NSUN2: variants seen among roughly 807,000 people sequenced by gnomAD.
The protein encoded by NSUN2 is RNA cytosine C(5)-methyltransferase NSUN2.
A neutral mutation model predicts 92.7 loss-of-function variants in NSUN2; 63 were observed. The observed-to-expected ratio is 0.68, with a 90% CI of 0.56 to 0.84. The LOEUF is 0.84. NSUN2 is among the 40% of genes least tolerant of loss of function. The pLI, the probability that NSUN2 is intolerant of heterozygous loss-of-function variation, is 0.00. For synonymous variants in NSUN2, 356 were observed against 348.3 expected, an observed-to-expected ratio of 1.02 and a Z score of -0.25; for missense variants, 989 against 964.9, an observed-to-expected ratio of 1.02 and a Z score of -0.33.
At position 6,621,875 on chromosome 5, in the gene NSUN2, T is replaced by C. The variant is rs1026598452; in HGVS notation, c.622+141A>G. 30 of 653,440 alleles carry C rather than the reference T, an allele frequency of 4.6e-5. No individual in the cohort carries two copies. In the African/African-American group the frequency reaches 5.2e-4, roughly 11 times the overall value. 40.5% of individuals were successfully genotyped at this position (653,440 alleles called of 1,614,324 possible). On this transcript the variant is annotated intron_variant, in intron 6 of 18. Coordinates refer to ENST00000264670, the MANE Select transcript of NSUN2 (RefSeq NM_017755.6). ...CGGTGGTAGGCAAGATGTCCAGTTC[T>C]ACTTCCGGTAGACGGAAAACCCAAC... is the stretch of plus-strand genomic sequence containing the variant.
intron 12 of NSUN2, among the ~76,000 whole-genome samples, chr5:6,608,502 G>A (rs1446090949): frequency 6.6e-6 from 1 of 152,232 alleles, no homozygotes; most frequent in Non-Finnish European, 1.5e-5. Flanking sequence ...CACTAGATCT[G>A]TTGAACTAAG....
At chr5:6,609,387 G>C (rs1248156624) in intron 12 of NSUN2, among the ~76,000 whole-genome samples, 1 of 152,146 alleles carries the variant, frequency 6.6e-6, no homozygotes. Context: ...TTCTAGCCAG[G>C]TCTGGACAAG....
At chr5:6,602,416 AT>A in intron 18 of NSUN2, 44 bp downstream of exon 18, 1 of 1,588,306 alleles carries the variant, frequency 6.3e-7, no homozygotes. Context: ...ACTGTAGCTA[AT>A]GACAAGGCGT....
intron 10 of NSUN2, 36 bp downstream of exon 10, chr5:6,611,689 T>TA (rs1355111879): frequency 6.3e-7 from 1 of 1,580,482 alleles, no homozygotes; most frequent in African/African-American, 1.3e-5. Flanking sequence ...ATGCTGCACC[T>TA]ACTCTTTAGA....
chr5:6,616,707 G>C lies in NSUN2; in HGVS notation c.1021+20C>G. The stretch of plus-strand genomic sequence containing the variant: ...AAAGCCCCCTATGCTGTTAATAAAA[G>C]ATCCATCAAGCGTGCTTACCTTCAC... On this transcript the variant is annotated intron_variant, in intron 9 of 18. Transcript: ENST00000264670. The C allele has an allele frequency of 7.6e-7, 1 of 1,322,494 alleles. No individual in the cohort carries two copies. Among genetic ancestry groups the C allele is most frequent in the Non-Finnish European group, 9.8e-7 (1 of 1,018,380 alleles). The allele number at this position is 1,322,494 out of a possible 1,614,324, so 81.9% of individuals were successfully genotyped here.
intron 3 of NSUN2, among the ~76,000 whole-genome samples, chr5:6,631,588 G>A (rs984510934): frequency 3.3e-5 from 5 of 152,332 alleles, no homozygotes; most frequent in Admixed American, 1.3e-4. Flanking sequence ...GAGAAAACAA[G>A]GGCTGTAAAA....
rs986320447 is a variant in NSUN2 at position 6,604,064 on chromosome 5, G to C, written c.1957+74C>G. The C allele has an allele frequency of 2.2e-6, 3 of 1,346,582 alleles. No homozygotes were observed. The African/African-American group carries it at 4.4e-5, about 20-fold the overall frequency. The allele number at this position is 1,346,582 out of a possible 1,614,324, so 83.4% of individuals were successfully genotyped here. On this transcript the variant is annotated intron_variant, in intron 17 of 18. Transcript: ENST00000264670. ...CTATGATTGATAAATATGCCCCAAC[G>C]CACACCACCTGCATTTTTGCTGGCC...
rs1264062190 is a variant in NSUN2, at chr5:6,623,263, G to A, written c.488C>T (p.Ala163Val). The change falls in exon 5 of 19, where the codon GCT becomes GTT. Residue 163 changes from alanine to valine, a missense_variant. By Grantham distance (64) the Ala-to-Val change is moderately conservative (BLOSUM62 0). Transcript: ENST00000264670. ...TESGNISRQE[A>V]VSMIPPLLLN... ...GAGCAGTGGTGGGATCATGCTAACA[G>A]CTTCTTGACGACTAATATTTCCCTT... 3 of 1,596,484 alleles carry A rather than the reference G, an allele frequency of 1.9e-6. No homozygotes were observed. The highest frequency in any genetic ancestry group is 2.6e-6 in the Non-Finnish European group (3 of 1,175,460).
chr5:6,629,950 GC>G (rs1160672343), intron 3 of NSUN2, among the ~76,000 whole-genome samples: 81 of 152,184 alleles, frequency 5.3e-4, no homozygotes, highest in African/African-American at 1.8e-3. Context: ...AGTCAATTAA[GC>G]CTATTTCCTT....
rs1294551562 is a variant in NSUN2 at position 6,607,297 on chromosome 5, G to C, written c.1411C>G (p.Leu471Val). 1.9e-6 allele frequency: 3 copies of C among 1,614,178 alleles called. No individual in the cohort carries two copies. The highest frequency in any genetic ancestry group is 3.3e-5 in the Admixed American group (2 of 60,022). The part of the protein sequence containing the change: ...TEGKPTDPSK[L>V]ESPSFTGTGD... ...GTTCCTGTGAATGACGGACTTTCCA[G>C]CTTAGAGGGATCTGTGGGTTTCCCT... Residue 471 changes from leucine (L) to valine (V), a missense_variant, in exon 13 of 19, where the codon CTG becomes GTG. By Grantham distance (32) the Leu-to-Val change is conservative. Transcript: ENST00000264670.
intron 9 of NSUN2, among the ~76,000 whole-genome samples, chr5:6,612,225 C>A (rs1234030465): frequency 2.6e-5 from 4 of 152,342 alleles, no homozygotes; most frequent in African/African-American, 9.6e-5. Context: ...CGCAAGAAGA[C>A]AACCAGAAGG....
chr5:6,602,413 C>A (rs771649555), intron 18 of NSUN2, 48 bp downstream of exon 18: 18 of 1,574,656 alleles, frequency 1.1e-5, no homozygotes, highest in Non-Finnish European at 1.6e-5. Context: ...AACACTGTAG[C>A]TAATGACAAG....
intron 9 of NSUN2, among the ~76,000 whole-genome samples, chr5:6,616,156 T>C (rs543324187): frequency 6.6e-6 from 1 of 152,340 alleles, no homozygotes; most frequent in South Asian, 2.1e-4. Context: ...CTTCTGAGTG[T>C]ATATCCAAAG....
intron 14 of NSUN2, among the ~76,000 whole-genome samples, chr5:6,606,281 C>G: frequency 6.6e-6 from 1 of 151,892 alleles, no homozygotes; most frequent in Non-Finnish European, 1.5e-5. Context: ...AATCACAGTC[C>G]AGTTTTCTTT....
intron 8 of NSUN2, among the ~76,000 whole-genome samples, 196 bp from the exon 9 acceptor site, chr5:6,617,053 A>G (rs994484315): frequency 6.6e-6 from 1 of 152,230 alleles, no homozygotes; most frequent in Non-Finnish European, 1.5e-5. Flanking sequence ...AATGTATTAT[A>G]TAAATATTCT....
chr5:6,623,044 G>GAAAAAAAAAAAA (rs111573762), intron 5 of NSUN2, among the ~76,000 whole-genome samples, 170 bp downstream of exon 5: 4 of 72,944 alleles, frequency 5.5e-5, no homozygotes, highest in Middle Eastern at 5.9e-3. Context: ...GGACAAAAAA[G>GAAAAAAAAAAAA]AAAAAAAAAA....
At chr5:6,628,515 A>G (rs1737745988) in intron 3 of NSUN2, among the ~76,000 whole-genome samples, 1 of 152,238 alleles carries the variant, frequency 6.6e-6, no homozygotes, top group Non-Finnish European at 1.5e-5. Context: ...GGTCCTATAC[A>G]TAACTTTCCT....
At chr5:6,606,415 C>G (rs1363449838) in intron 14 of NSUN2, among the ~76,000 whole-genome samples, 2 of 152,162 alleles carry the variant, frequency 1.3e-5, no homozygotes, top group African/African-American at 2.4e-5. Flanking sequence ...TCCAGAGTAG[C>G]TGGGACTACA....
intron 9 of NSUN2, among the ~76,000 whole-genome samples, chr5:6,616,459 T>C (rs1257600139): frequency 1.3e-5 from 2 of 152,086 alleles, no homozygotes; most frequent in Non-Finnish European, 2.9e-5. Flanking sequence ...GTCAAAGTCA[T>C]ACAGACAAAA....
Sources: allele counts gnomAD v4.1 joint callset (sites outside exome capture counted in the v4.1 genomes callset), GRCh38; gene constraint gnomAD v4.1.1; transcripts MANE v1.5; gene names NCBI Gene and HGNC (gene_info 2026-07-23, HGNC 2026-07-21).